Variants in SDK1 observed in about 807,000 individuals in gnomAD.
The protein encoded by SDK1 is sidekick cell adhesion molecule 1.
In SDK1, 157 loss-of-function variants were observed where a neutral mutation model predicts 245.5. The observed-to-expected ratio is 0.64, with a 90% confidence interval of 0.56 to 0.73. SDK1 has a LOEUF of 0.73. Ranked by LOEUF, SDK1 falls within the 30% of genes least tolerant of loss-of-function variation. SDK1 has a pLI of 0.00. For missense variants in SDK1, 3,583 were observed against 3,002.3 expected, an observed-to-expected ratio of 1.19 and a Z score of -4.52; for synonymous variants, 1,647 against 1,278.5, an observed-to-expected ratio of 1.29 and a Z score of -6.15.
intron 5 of SDK1, among the ~76,000 whole-genome samples, chr7:3,877,742 T>G (rs1781109650): frequency 6.6e-6 from 1 of 152,228 alleles, no homozygotes; most frequent in Non-Finnish European, 1.5e-5. Context: ...TAAGACGGGG[T>G]ATCATCCTAA....
chr7:4,020,386 C>T (rs79125515), intron 17 of SDK1, among the ~76,000 whole-genome samples: 20,188 of 152,122 alleles, frequency 0.13, 1,443 homozygotes, highest in Non-Finnish European at 0.16. Context: ...CAGCCAGCCA[C>T]GCTGCCGCTG....
intron 14 of SDK1, among the ~76,000 whole-genome samples, chr7:4,008,321 T>C (rs1168753298): frequency 1.3e-5 from 2 of 152,222 alleles, no homozygotes; most frequent in Admixed American, 1.3e-4. Flanking sequence ...GGAATAACGC[T>C]CAAAATCCTA....
At chr7:3,671,057 G>T (rs60774341) in intron 4 of SDK1, among the ~76,000 whole-genome samples, 3,845 of 152,158 alleles carry the variant, frequency 0.025, 170 homozygotes, top group African/African-American at 0.087. Context: ...CTCCTATTGG[G>T]CTCTAGGCCC....
Position 3,898,038 on chromosome 7 carries a change from C to T in SDK1, c.848-52885C>T, listed in dbSNP as rs1781662541. The stretch of plus-strand genomic sequence containing the variant: ...GAAGCCGCCGTGTGCACACACACCC[C>T]AATCAACATGACTGAGGTGCTACGG... On this transcript the variant is annotated intron_variant, in intron 5 of 44. Coordinates refer to ENST00000404826, the MANE Select transcript of SDK1 (RefSeq NM_152744.4). Among the ~76,000 whole-genome samples, 4 of 152,256 alleles carry T rather than the reference C, an allele frequency of 2.6e-5. No individual in the cohort carries two copies. In the South Asian group the frequency reaches 8.3e-4, roughly 32 times the overall value.
intron 4 of SDK1, among the ~76,000 whole-genome samples, chr7:3,808,926 G>A (rs1243287333): frequency 1.3e-5 from 2 of 152,196 alleles, no homozygotes; most frequent in Non-Finnish European, 2.9e-5. Flanking sequence ...TTGTGCGTGA[G>A]CATGATCTAT....
At chr7:3,633,623 G>T (rs920344118) in intron 2 of SDK1, among the ~76,000 whole-genome samples, 1 of 152,164 alleles carries the variant, frequency 6.6e-6, no homozygotes, top group Admixed American at 6.5e-5. Context: ...CATAAAAAAA[G>T]AAATGATTCT....
chr7:3,614,224 C>G (rs890545646), intron 1 of SDK1, among the ~76,000 whole-genome samples: 4 of 152,194 alleles, frequency 2.6e-5, no homozygotes, highest in Admixed American at 6.5e-5. Flanking sequence ...ATGAGACTCT[C>G]TCTTTCATAA....
At chr7:4,097,910 C>CA in intron 22 of SDK1, among the ~76,000 whole-genome samples, 2 of 152,294 alleles carry the variant, frequency 1.3e-5, no homozygotes, top group South Asian at 4.1e-4. Context: ...TGACTCCTTC[C>CA]ATAATCCCAC....
At chr7:3,312,114 A>G (rs1779564779) in intron 1 of SDK1, among the ~76,000 whole-genome samples, 1 of 152,216 alleles carries the variant, frequency 6.6e-6, no homozygotes, top group Non-Finnish European at 1.5e-5. Context: ...GGAATAAAAA[A>G]GGGACATCTA....
intron 4 of SDK1, among the ~76,000 whole-genome samples, chr7:3,660,300 G>C (rs1031836468): frequency 1.3e-5 from 2 of 151,782 alleles, no homozygotes; most frequent in African/African-American, 4.8e-5. Context: ...CCAATACCAT[G>C]GACCACCAAG....
At chr7:3,890,523 A>G (rs142835582) in intron 5 of SDK1, among the ~76,000 whole-genome samples, 52 of 152,306 alleles carry the variant, frequency 3.4e-4, no homozygotes, top group Non-Finnish European at 6.8e-4. Flanking sequence ...AACATGGACT[A>G]TGCACACGTT....
chr7:3,832,566 C>T (rs1779938554), intron 5 of SDK1, among the ~76,000 whole-genome samples: 1 of 152,178 alleles, frequency 6.6e-6, no homozygotes, highest in South Asian at 2.1e-4. Flanking sequence ...TGAAAGGCCA[C>T]TTAACAATGC....
chr7:3,709,724 G>A (rs968859162), intron 4 of SDK1, among the ~76,000 whole-genome samples: 1 of 152,180 alleles, frequency 6.6e-6, no homozygotes, highest in African/African-American at 2.4e-5. Context: ...TATTTTTAAA[G>A]TAAAATCCTT....
chr7:3,717,290 T>G (rs561919618), intron 4 of SDK1, among the ~76,000 whole-genome samples: 1 of 152,124 alleles, frequency 6.6e-6, no homozygotes, highest in Admixed American at 6.5e-5. Context: ...AACAGAGAGA[T>G]AACAGGAAAA....
intron 2 of SDK1, among the ~76,000 whole-genome samples, chr7:3,625,997 G>A (rs1420636688): frequency 7.0e-6 from 1 of 142,212 alleles, no homozygotes; most frequent in South Asian, 2.2e-4. Flanking sequence ...AGGCTGGACT[G>A]TAGTAGTGTA....
At chr7:4,016,524 G>A (rs564585558) in intron 16 of SDK1, among the ~76,000 whole-genome samples, 3 of 152,304 alleles carry the variant, frequency 2.0e-5, no homozygotes, top group South Asian at 2.1e-4. Context: ...CCTAAGTCCT[G>A]AGTTGTGTAC....
chr7:3,710,682 G>A (rs1025554335), intron 4 of SDK1, among the ~76,000 whole-genome samples: 3 of 152,196 alleles, frequency 2.0e-5, no homozygotes, highest in African/African-American at 4.8e-5. Context: ...TTTAACCACA[G>A]TTGTGTTATC....
At chr7:3,375,651 CTG>C (rs1349353038) in intron 1 of SDK1, among the ~76,000 whole-genome samples, 1 of 152,182 alleles carries the variant, frequency 6.6e-6, no homozygotes, top group Non-Finnish European at 1.5e-5. Context: ...TCAAGCAACT[CTG>C]TGGAGAAGTC....
intron 4 of SDK1, among the ~76,000 whole-genome samples, chr7:3,811,401 A>T (rs907123661): frequency 3.3e-5 from 5 of 152,190 alleles, no homozygotes; most frequent in Non-Finnish European, 7.3e-5. Flanking sequence ...GTTCTGGTAG[A>T]AAAGTGAGGT....
Sources: allele counts gnomAD v4.1 joint callset (sites outside exome capture counted in the v4.1 genomes callset), GRCh38; gene constraint gnomAD v4.1.1; transcripts MANE v1.5; gene names NCBI Gene and HGNC (gene_info 2026-07-23, HGNC 2026-07-21).